NCOR2: variants seen among roughly 807,000 people sequenced by gnomAD.
The protein encoded by NCOR2 is CTG repeat protein 26.
In NCOR2, 81 loss-of-function variants were observed where a neutral mutation model predicts 262.9. That is an observed-to-expected ratio of 0.31 (90% CI 0.26 to 0.37). The LOEUF is 0.37. NCOR2 is among the 10% of genes least tolerant of loss of function. The pLI is 1.00. For synonymous variants in NCOR2, 1,659 were observed against 1,559.3 expected (o/e 1.06, Z -1.51); for missense variants, 3,385 against 3,621.4 (o/e 0.93, Z 1.68).
In NCOR2 at chr12:124,354,955, T is replaced by G; in HGVS notation, c.3382-16A>C. 1 of 1,609,670 alleles carries G rather than the reference T, an allele frequency of 6.2e-7. No individual in the cohort carries two copies. Among genetic ancestry groups the G allele is most frequent in the Non-Finnish European group, 8.5e-7 (1 of 1,177,400 alleles). ...CCGACATTCCCTGTAGGGGCGGAGT[T>G]GTGGGGTCACAGGGGCACCCTGGTC... On this transcript the variant is annotated splice_polypyrimidine_tract_variant and intron_variant, in intron 24 of 46. Coordinates refer to ENST00000405201, the Ensembl canonical transcript of NCOR2.
intron 10 of NCOR2, chr12:124,429,395 G>C (rs1051088565): frequency 8.8e-6 from 5 of 571,290 alleles, no homozygotes; most frequent in Non-Finnish European, 1.6e-5. Context: ...AGGGGGTCCT[G>C]CTACCCTCCC....
chr12:124,452,823 C>T (rs531589890), intron 6 of NCOR2, among the ~76,000 whole-genome samples: 1 of 152,318 alleles, frequency 6.6e-6, no homozygotes, highest in African/African-American at 2.4e-5. Context: ...AGGGACACAG[C>T]CCCTGCTTCT....
chr12:124,454,438 C>A lies in NCOR2; in HGVS notation c.762+2668G>T, dbSNP rs2045726283. On this transcript the variant is annotated intron_variant, in intron 6 of 46. Coordinates refer to ENST00000405201, the Ensembl canonical transcript of NCOR2. The surrounding 1 kb of genome is among the most constrained non-coding windows in gnomAD (Gnocchi z 5.6). The stretch of plus-strand genomic sequence containing the variant: ...AACCAGAGAAGACTCACTGTGGGGT[C>A]CCTGGTTCCAAAGCTTCTGACACCA... Among the ~76,000 whole-genome samples, 1 of 152,152 alleles carries A rather than the reference C, an allele frequency of 6.6e-6. No individual in the cohort carries two copies. Among genetic ancestry groups the A allele is most frequent in the African/African-American group, 2.4e-5 (1 of 41,420 alleles).
intron 5 of NCOR2, among the ~76,000 whole-genome samples, chr12:124,463,039 C>G (rs1274980220): frequency 6.6e-6 from 1 of 152,212 alleles, no homozygotes; most frequent in African/African-American, 2.4e-5. Context: ...CCCAGTCGAC[C>G]TAGCTCAAGG....
chr12:124,422,478 G>T, intron 12 of NCOR2, 23 bp downstream of exon 14: 1 of 1,613,840 alleles, frequency 6.2e-7, no homozygotes, highest in Non-Finnish European at 8.5e-7. Flanking sequence ...GACCGAAGGG[G>T]TATGGGGCGG....
intron 12 of NCOR2, among the ~76,000 whole-genome samples, chr12:124,420,928 C>A (rs577789139): frequency 6.6e-6 from 1 of 152,364 alleles, no homozygotes; most frequent in South Asian, 2.1e-4. Flanking sequence ...AGTACGACCG[C>A]CAGGGGGGCT....
chr12:124,487,382 A>T (rs1013974856), intron 1 of NCOR2, among the ~76,000 whole-genome samples: 15 of 152,250 alleles, frequency 9.9e-5, no homozygotes, highest in African/African-American at 3.6e-4. Context: ...CAGAAGGGTA[A>T]GCCTTAGGCA....
rs753869846 is a variant in NCOR2, at chr12:124,351,108, C to T, written c.3694-371G>A. ...GGTCACCTGGCTAATAAGGGGCAGGCGGGGACTTGAACCCAGGCATTCTGG... is the reference window on the plus strand; with the variant it reads ...GGTCACCTGGCTAATAAGGGGCAGGTGGGGACTTGAACCCAGGCATTCTGG... On this transcript the variant is annotated intron_variant, in intron 27 of 46. Transcript: ENST00000405201. Among the ~76,000 whole-genome samples, 49 of 152,134 alleles carry T rather than the reference C, an allele frequency of 3.2e-4. 1 individual carries two copies. The highest frequency in any genetic ancestry group is 5.9e-5 in the Non-Finnish European group (4 of 68,018).
intron 42 of NCOR2, 119 bp downstream of exon 44, chr12:124,333,011 C>T (rs1221944374): frequency 1.0e-5 from 14 of 1,365,320 alleles, no homozygotes; most frequent in Non-Finnish European, 1.4e-5. Context: ...GGCTTGAGGT[C>T]ACCCAGCTGA....
chr12:124,567,114 G>A (rs948691557), intron 1 of NCOR2, among the ~76,000 whole-genome samples, 194 bp downstream of exon 1: 8 of 150,704 alleles, frequency 5.3e-5, no homozygotes, highest in African/African-American at 1.9e-4. Context: ...GTTCCCCGGC[G>A]CCCCCGAGCA....
In NCOR2 at chr12:124,557,045, C is replaced by T. The variant is rs190335368; in HGVS notation, c.-165+10263G>A. Among the ~76,000 whole-genome samples the T allele has an allele frequency of 1.3e-3, 192 of 152,336 alleles. 4 individuals are homozygous for T. In the East Asian group the frequency reaches 0.035, roughly 28 times the overall value. On this transcript the variant is annotated intron_variant, in intron 1 of 32. Transcript: ENST00000458234. Reference sequence around the variant, plus strand: ...GGAGCAGGTCGCAGAGGACGGCCCACGCCGGGGCAGAGGGTAGAGCCTCAC... The same window carrying T: ...GGAGCAGGTCGCAGAGGACGGCCCATGCCGGGGCAGAGGGTAGAGCCTCAC...
chr12:124,460,268 A>G (rs1283388658), intron 5 of NCOR2, among the ~76,000 whole-genome samples: 1 of 152,168 alleles, frequency 6.6e-6, no homozygotes, highest in Non-Finnish European at 1.5e-5. Context: ...AATGGTCTAA[A>G]TACCTGGAAA....
intron 13 of NCOR2, among the ~76,000 whole-genome samples, chr12:124,411,034 G>A (rs1358198578): frequency 6.7e-6 from 1 of 149,376 alleles, no homozygotes; most frequent in African/African-American, 2.5e-5. Flanking sequence ...GGTGAGGAGG[G>A]GAGGGGGCGG....
chr12:124,360,002 G>A (rs968792047), intron 22 of NCOR2, among the ~76,000 whole-genome samples: 4 of 152,236 alleles, frequency 2.6e-5, no homozygotes, highest in Admixed American at 2.0e-4. Flanking sequence ...AACGGCACAG[G>A]CCCTGGCCAC....
At chr12:124,399,243 C>T (rs1044060197) in intron 15 of NCOR2, among the ~76,000 whole-genome samples, 12 of 152,130 alleles carry the variant, frequency 7.9e-5, no homozygotes, top group Non-Finnish European at 1.5e-4. Context: ...CATCGATGCT[C>T]CCATTCCTCC....
At chr12:124,500,671 G>A (rs955652038) in intron 1 of NCOR2, among the ~76,000 whole-genome samples, 1 of 152,048 alleles carries the variant, frequency 6.6e-6, no homozygotes, top group Non-Finnish European at 1.5e-5. Flanking sequence ...GCGCCTTTCC[G>A]GGAGGCCCTG....
chr12:124,445,451 C>T (rs954660336), intron 7 of NCOR2, among the ~76,000 whole-genome samples: 6 of 152,298 alleles, frequency 3.9e-5, no homozygotes, highest in Admixed American at 6.5e-5. Context: ...CCAACGCGTC[C>T]GAAATCGTCT....
exon 25 of NCOR2, chr12:124,354,864 G>A (rs747807076): frequency 1.2e-6 from 2 of 1,612,852 alleles, no homozygotes; most frequent in South Asian, 2.2e-5. Context: ...ATGGGCAGGG[G>A]CAGCCCCATG....
intron 9 of NCOR2, 42 bp downstream of exon 11, chr12:124,430,573 C>G (rs200844803): frequency 5.1e-6 from 8 of 1,569,190 alleles, no homozygotes; most frequent in Non-Finnish European, 6.9e-6. Flanking sequence ...GAGCTGACCC[C>G]GGGCCCTGAC....
Sources: gnomAD v4.1 joint callset for allele counts (sites outside exome capture counted in the v4.1 genomes callset) on GRCh38, gnomAD v4.1.1 for gene constraint, Gnocchi (gnomAD v3.1) non-coding constraint, MANE v1.5 for transcripts, NCBI Gene and HGNC (gene_info 2026-07-23, HGNC 2026-07-21) for gene names.